Variants in PTPRE observed in about 807,000 individuals in gnomAD.
PTPRE encodes receptor-type tyrosine-protein phosphatase epsilon.
Under a neutral mutation model 102.0 loss-of-function variants are expected in PTPRE, and 51 were observed. The observed-to-expected ratio is 0.50, with a 90% CI of 0.40 to 0.63. The LOEUF (loss-of-function observed/expected upper bound fraction) is 0.63, where lower values mean the gene tolerates loss of function less well. Among genes scored for constraint, PTPRE ranks in the 30% least tolerant of loss-of-function variants. PTPRE has a pLI of 0.00. For synonymous variants in PTPRE, 345 were observed against 348.2 expected (o/e 0.99, Z 0.10); for missense variants, 752 against 915.1 (o/e 0.82, Z 2.30).
At chr10:127,919,349 T>C (rs1846431553) in intron 1 of PTPRE, among the ~76,000 whole-genome samples, 1 of 152,242 alleles carries the variant, frequency 6.6e-6, no homozygotes, top group Non-Finnish European at 1.5e-5. Context: ...TGTTAACAAT[T>C]TGAGAAGTTT....
intron 2 of PTPRE, among the ~76,000 whole-genome samples, chr10:127,993,768 G>GGTGTGT (rs142298818): frequency 2.8e-3 from 423 of 150,608 alleles, no homozygotes; most frequent in African/African-American, 9.4e-3. Context: ...CTTTCATAGT[G>GGTGTGT]GTGTGTGTGT....
chr10:128,044,791 C>A (rs1347888654), intron 3 of PTPRE, among the ~76,000 whole-genome samples: 1 of 152,234 alleles, frequency 6.6e-6, no homozygotes. Flanking sequence ...TGACTCCTGG[C>A]TGGACCACAT....
rs1265681021 is a variant in PTPRE, at chr10:127,907,171, C to A, written c.-169C>A. On this transcript the variant is annotated 5_prime_UTR_variant, in exon 1 of 21. Transcript: ENST00000254667. The surrounding 1 kb of genome is among the most constrained non-coding windows in gnomAD (Gnocchi z 4.8). ...CGGCGCGAGCGGCTTCAGGAACCCACGGCCTCTGCGCGTCCCCGCGACCCT... is the reference window on the plus strand; with the variant it reads ...CGGCGCGAGCGGCTTCAGGAACCCAAGGCCTCTGCGCGTCCCCGCGACCCT... 2.6e-6 allele frequency: 2 copies of A among 769,234 alleles called. No individual in the cohort carries two copies. The highest frequency in any genetic ancestry group is 5.9e-5 in the South Asian group (1 of 17,028). The allele number at this position is 769,234 out of a possible 1,614,324, so 47.7% of individuals were successfully genotyped here. A position where few individuals can be genotyped will look rare whatever the true frequency, so the allele number is the denominator to read the frequency against.
rs1396001017 is a variant in PTPRE at position 128,070,248 on chromosome 10, G to A, written c.1144-53G>A. ...CTTTGGTCTGCCAAGCTCCACGTGGGCCAAGACTGCAGGGCAGAGTTGAGG... is the reference window on the plus strand; with the variant it reads ...CTTTGGTCTGCCAAGCTCCACGTGGACCAAGACTGCAGGGCAGAGTTGAGG... On this transcript the variant is annotated intron_variant, in intron 13 of 20. Coordinates refer to ENST00000254667, the MANE Select transcript of PTPRE (RefSeq NM_006504.6). The surrounding 1 kb of genome is among the most constrained non-coding windows in gnomAD (Gnocchi z 4.8). The A allele has an allele frequency of 2.6e-6, 4 of 1,542,274 alleles. No homozygotes were observed. Among genetic ancestry groups the A allele is most frequent in the African/African-American group, 1.4e-5 (1 of 72,970 alleles).
chr10:128,024,908 C>T (rs1399496022), intron 2 of PTPRE, among the ~76,000 whole-genome samples: 1 of 152,112 alleles, frequency 6.6e-6, no homozygotes. Context: ...ATATTTCCAG[C>T]ACTTTGGGAG....
At chr10:128,034,501 G>C (rs1198936683) in intron 2 of PTPRE, among the ~76,000 whole-genome samples, 1 of 151,646 alleles carries the variant, frequency 6.6e-6, no homozygotes, top group Non-Finnish European at 1.5e-5. Flanking sequence ...ACTAGCCTGG[G>C]CAACATAGTG....
At chr10:127,928,639 C>T (rs970552248) in intron 1 of PTPRE, among the ~76,000 whole-genome samples, 2 of 152,206 alleles carry the variant, frequency 1.3e-5, no homozygotes, top group Non-Finnish European at 2.9e-5. Flanking sequence ...GAATCCTGCA[C>T]TCATCTACAA....
intron 2 of PTPRE, among the ~76,000 whole-genome samples, chr10:127,984,232 C>A (rs1166775040): frequency 6.6e-6 from 1 of 151,926 alleles, no homozygotes; most frequent in African/African-American, 2.4e-5. Flanking sequence ...CAGACAAGCA[C>A]CACCATGTCT....
Position 128,079,563 on chromosome 10 carries a change from C to G in PTPRE, c.1896C>G (p.Ala632=). 6 of 1,613,724 alleles carry G rather than the reference C, an allele frequency of 3.7e-6. No individual in the cohort carries two copies. Among genetic ancestry groups the G allele is most frequent in the East Asian group, 2.2e-5 (1 of 44,882 alleles). The change falls in exon 20 of 21, where the codon GCC becomes GCG. Residue 632 remains alanine, a synonymous_variant. Coordinates refer to ENST00000254667, the MANE Select transcript of PTPRE (RefSeq NM_006504.6). ...ATTAAGCGCTTTTTCTCTGCAGTGCCGGAGCTGGGCGAACAGGTACATTCA... is the reference window on the plus strand; with the variant it reads ...ATTAAGCGCTTTTTCTCTGCAGTGCGGGAGCTGGGCGAACAGGTACATTCA... ...GNHPITVHCS[A]GAGRTGTFIA...
chr10:128,031,836 A>G (rs1034121256), intron 2 of PTPRE, among the ~76,000 whole-genome samples: 1 of 152,060 alleles, frequency 6.6e-6, no homozygotes, highest in Non-Finnish European at 1.5e-5. Context: ...GGGGTCAGAG[A>G]TCTAAATCTT....
intron 10 of PTPRE, among the ~76,000 whole-genome samples, chr10:128,063,508 T>C (rs1193039632): frequency 6.6e-6 from 1 of 152,208 alleles, no homozygotes; most frequent in Non-Finnish European, 1.5e-5. Flanking sequence ...ATGTTGAGCG[T>C]GTCATGCGGC....
intron 1 of PTPRE, among the ~76,000 whole-genome samples, chr10:127,940,115 A>G (rs1195228759): frequency 6.1e-5 from 9 of 147,232 alleles, no homozygotes; most frequent in African/African-American, 1.5e-4. Context: ...GGCAGATGTG[A>G]GCAGGTGGAG....
chr10:128,064,571 G>A (rs1425277024), intron 10 of PTPRE, among the ~76,000 whole-genome samples: 8 of 152,200 alleles, frequency 5.3e-5, no homozygotes, highest in Non-Finnish European at 8.8e-5. Flanking sequence ...CAGTCTTCCT[G>A]GGGTTGGTGC....
intron 2 of PTPRE, among the ~76,000 whole-genome samples, chr10:128,036,939 T>C (rs974876930): frequency 6.6e-6 from 1 of 152,238 alleles, no homozygotes; most frequent in South Asian, 2.1e-4. Flanking sequence ...GGCTATCCTG[T>C]GTCAGGAGCT....
In PTPRE at chr10:128,077,531, C is replaced by T. The variant is rs1305958096; in HGVS notation, c.1726-86C>T. The T allele has an allele frequency of 2.0e-6, 3 of 1,499,928 alleles. No individual in the cohort carries two copies. The East Asian group carries it at 7.0e-5, about 35-fold the overall frequency. The allele number at this position is 1,499,928 out of a possible 1,614,324, so 92.9% of individuals were successfully genotyped here. A position where few individuals can be genotyped will look rare whatever the true frequency, so the allele number is the denominator to read the frequency against. Reference sequence around the variant, plus strand: ...AGAAGGCTCAGGGAGGGCTCCCAGCCTTGGCCAATCCCTGAGAGGGCAGAT... The same window carrying T: ...AGAAGGCTCAGGGAGGGCTCCCAGCTTTGGCCAATCCCTGAGAGGGCAGAT... On this transcript the variant is annotated intron_variant, in intron 18 of 20. Coordinates refer to ENST00000254667, the MANE Select transcript of PTPRE (RefSeq NM_006504.6).
intron 1 of PTPRE, among the ~76,000 whole-genome samples, chr10:127,908,169 C>A (rs767500853): frequency 4.6e-5 from 7 of 152,168 alleles, no homozygotes; most frequent in Non-Finnish European, 8.8e-5. Flanking sequence ...CGTGACCATT[C>A]CATCAGAGTT....
chr10:128,047,905 C>A (rs1407527197), intron 5 of PTPRE, 68 bp downstream of exon 5: 2 of 1,460,224 alleles, frequency 1.4e-6, no homozygotes, highest in Non-Finnish European at 1.8e-6. Context: ...CACTGAGGTG[C>A]TTTCTGCCTT....
At chr10:127,988,001 G>A (rs553697087) in intron 2 of PTPRE, among the ~76,000 whole-genome samples, 3 of 152,192 alleles carry the variant, frequency 2.0e-5, no homozygotes, top group Non-Finnish European at 4.4e-5. Flanking sequence ...CGATATTGTC[G>A]GCTGCAGATG....
At chr10:128,073,504 G>GT (rs1191395414) in intron 17 of PTPRE, 33 bp downstream of exon 17, 1 of 1,605,180 alleles carries the variant, frequency 6.2e-7, no homozygotes, top group Non-Finnish European at 8.5e-7. Flanking sequence ...GTCCCTCCAG[G>GT]GCAGCCTGTG....
Sources: allele counts gnomAD v4.1 joint callset (sites outside exome capture counted in the v4.1 genomes callset), GRCh38; gene constraint gnomAD v4.1.1; non-coding constraint Gnocchi (gnomAD v3.1); transcripts MANE v1.5; gene names NCBI Gene and HGNC (gene_info 2026-07-23, HGNC 2026-07-21).